Variants in PRR16 observed in about 807,000 individuals in gnomAD.
PRR16 encodes proline rich 16, also known as protein Largen.
In PRR16, 6 loss-of-function variants were observed where a neutral mutation model predicts 18.2. That is an observed-to-expected ratio of 0.33 (90% CI 0.18 to 0.65). The LOEUF (loss-of-function observed/expected upper bound fraction) is 0.65. PRR16 is among the 30% of genes least tolerant of loss of function. PRR16 has a pLI of 0.74. For missense variants in PRR16, 412 were observed against 376.6 expected, an observed-to-expected ratio of 1.09 and a Z score of -0.78; for synonymous variants, 151 against 147.8, an observed-to-expected ratio of 1.02 and a Z score of -0.16.
the PRR16 span, among the ~76,000 whole-genome samples, chr5:120,723,816 A>G: frequency 2.6e-5 from 4 of 151,880 alleles, no homozygotes; most frequent in African/African-American, 7.2e-5. Flanking sequence ...GTATTATGCT[A>G]TTATTTGTAA....
chr5:120,588,860 A>G lies in PRR16; in HGVS notation c.160-97094A>G, dbSNP rs916520426. ...TCCTAATTTCATTTTTTAAAATAAT[A>G]GGACAATCCAATCTTTAATTTCTCT... On this transcript the variant is annotated intron_variant, in intron 1 of 1. Transcript: ENST00000407149. Among the ~76,000 whole-genome samples, 42 of 152,266 alleles carry G rather than the reference A, an allele frequency of 2.8e-4. No homozygotes were observed. The East Asian group carries it at 7.9e-3, about 29-fold the overall frequency.
chr5:120,535,526 G>A (rs1039785426), intron 1 of PRR16, among the ~76,000 whole-genome samples: 3 of 152,184 alleles, frequency 2.0e-5, no homozygotes, highest in Admixed American at 2.0e-4. Flanking sequence ...CTTCCTGGGT[G>A]CAGTGGTTTA....
At chr5:120,589,347 A>C (rs1753555421) in intron 1 of PRR16, among the ~76,000 whole-genome samples, 1 of 152,104 alleles carries the variant, frequency 6.6e-6, no homozygotes, top group African/African-American at 2.4e-5. Flanking sequence ...TCTGCTTTCC[A>C]GTTGCCAGAA....
At chr5:120,662,293 A>G (rs1449168) in intron 1 of PRR16, among the ~76,000 whole-genome samples, 149,320 of 152,224 alleles carry the variant, frequency 0.98, 73,295 homozygotes, top group East Asian at 1. Context: ...AATGTTAGGA[A>G]CAGGTCTGTG....
the PRR16 span, among the ~76,000 whole-genome samples, chr5:120,728,325 C>T: frequency 2.0e-5 from 3 of 146,494 alleles, no homozygotes; most frequent in East Asian, 2.0e-4. Context: ...CAAAAATAAC[C>T]TTTTTTTTTT....
At chr5:120,539,516 C>T (rs1751837364) in intron 1 of PRR16, among the ~76,000 whole-genome samples, 1 of 151,728 alleles carries the variant, frequency 6.6e-6, no homozygotes, top group Admixed American at 6.6e-5. Context: ...AAAAATTTTG[C>T]TATGGATGGG....
At chr5:120,706,042 CTAAT>C in the PRR16 span, among the ~76,000 whole-genome samples, 1 of 152,094 alleles carries the variant, frequency 6.6e-6, no homozygotes. Context: ...GACATGTAAT[CTAAT>C]TAAATGGGTA....
intron 1 of PRR16, among the ~76,000 whole-genome samples, chr5:120,556,481 T>C (rs1231847380): frequency 6.6e-6 from 1 of 151,858 alleles, no homozygotes; most frequent in Non-Finnish European, 1.5e-5. Flanking sequence ...TGGGACTGAC[T>C]TGATTTGCTT....
intron 1 of PRR16, among the ~76,000 whole-genome samples, chr5:120,535,659 G>A (rs1751694152): frequency 6.6e-6 from 1 of 152,062 alleles, no homozygotes. Flanking sequence ...AATTATCCAG[G>A]TGTGGTGGCT....
At chr5:120,784,847 C>G in the PRR16 span, among the ~76,000 whole-genome samples, 6 of 152,132 alleles carry the variant, frequency 3.9e-5, no homozygotes, top group African/African-American at 1.4e-4. Context: ...CTTAGAATCA[C>G]AAAACCATGG....
chr5:120,580,449 GA>G (rs1358714196), intron 1 of PRR16, among the ~76,000 whole-genome samples: 11 of 107,800 alleles, frequency 1.0e-4, no homozygotes, highest in African/African-American at 1.4e-4. Flanking sequence ...AAGGGATTTT[GA>G]ATTTTTTTTT....
chr5:120,667,641 T>A (rs1336993527), intron 1 of PRR16, among the ~76,000 whole-genome samples: 1 of 151,700 alleles, frequency 6.6e-6, no homozygotes, highest in African/African-American at 2.4e-5. Context: ...TCCCAGAGAT[T>A]CTGGTATGTT....
chr5:120,744,417 CAG>C, the PRR16 span, among the ~76,000 whole-genome samples: 3 of 152,160 alleles, frequency 2.0e-5, no homozygotes, highest in Non-Finnish European at 4.4e-5. Flanking sequence ...GGGAAGGAGA[CAG>C]ATCTTTAGTT....
In PRR16 at chr5:120,538,477, A is replaced by G. The variant is rs146261759; in HGVS notation, c.159+73832A>G. Among the ~76,000 whole-genome samples, 533 of 152,326 alleles carry G rather than the reference A, an allele frequency of 3.5e-3. 2 individuals carry two copies. Among genetic ancestry groups the G allele is most frequent in the African/African-American group, 0.012 (510 of 41,580 alleles). On this transcript the variant is annotated intron_variant, in intron 1 of 1. Transcript: ENST00000407149. ...GTGTTGTTAAAATACATGTAATTCA[A>G]TTTATTGGATACACATACTGCAATT...
At chr5:120,581,987 A>G (rs998001159) in intron 1 of PRR16, among the ~76,000 whole-genome samples, 3 of 152,174 alleles carry the variant, frequency 2.0e-5, no homozygotes, top group Admixed American at 6.6e-5. Context: ...GAAATTATAT[A>G]AAAAGGACAC....
At chr5:120,623,229 T>C (rs1029004904) in intron 1 of PRR16, among the ~76,000 whole-genome samples, 2 of 152,162 alleles carry the variant, frequency 1.3e-5, no homozygotes, top group Non-Finnish European at 2.9e-5. Flanking sequence ...GATTTTATAA[T>C]GGCAACAGTA....
chr5:120,743,316 T>C, the PRR16 span, among the ~76,000 whole-genome samples: 1 of 152,186 alleles, frequency 6.6e-6, no homozygotes, highest in African/African-American at 2.4e-5. Context: ...AAATTTAGTT[T>C]TGAGAAGCTT....
the PRR16 span, among the ~76,000 whole-genome samples, chr5:120,781,998 G>C: frequency 8.9e-6 from 1 of 112,666 alleles, no homozygotes; most frequent in Non-Finnish European, 1.8e-5. Flanking sequence ...AATAAAAACA[G>C]TGATTTGCAT....
At chr5:120,671,873 C>A (rs755194756) in intron 1 of PRR16, among the ~76,000 whole-genome samples, 14 of 151,842 alleles carry the variant, frequency 9.2e-5, no homozygotes, top group Non-Finnish European at 2.1e-4. Flanking sequence ...TATTTACCAC[C>A]CAGATTTATT....
Sources: gnomAD v4.1 joint callset for allele counts (sites outside exome capture counted in the v4.1 genomes callset) on GRCh38, gnomAD v4.1.1 for gene constraint, MANE v1.5 for transcripts, NCBI Gene and HGNC (gene_info 2026-07-23, HGNC 2026-07-21) for gene names.